HSPA12B: variants seen among roughly 807,000 people sequenced by gnomAD.
The protein encoded by HSPA12B is heat shock protein family A (Hsp70) member 12B.
Under a neutral mutation model 69.3 loss-of-function variants are expected in HSPA12B, and 54 were observed. That is an observed-to-expected ratio of 0.78 (90% CI 0.63 to 0.98). The LOEUF is 0.98. Ranked by LOEUF, HSPA12B falls within the 50% of genes least tolerant of loss-of-function variation. The pLI, the probability that HSPA12B is intolerant of heterozygous loss-of-function variation, is 0.00. For missense variants in HSPA12B, 929 were observed against 999.8 expected (o/e 0.93, Z 0.96); for synonymous variants, 441 against 436.5 (o/e 1.01, Z -0.13).
rs771948272 is a variant in HSPA12B at position 3,740,846 on chromosome 20, C to G, written c.75C>G (p.Ser25Arg). The G allele has an allele frequency of 5.0e-6, 8 of 1,613,890 alleles. No homozygotes were observed. Among genetic ancestry groups the G allele is most frequent in the Non-Finnish European group, 6.8e-6 (8 of 1,179,962 alleles). Residue 25 changes from serine (S) to arginine (R), a missense_variant, in exon 3 of 13, where the codon AGC (serine) becomes AGG (arginine). Transcript: ENST00000254963. The surrounding 1 kb of genome is among the most constrained non-coding windows in gnomAD (Gnocchi z 4.9). ...GSSPERSPVP[S>R]PPGSPRTQES... ...GCCCGGAGCGGTCCCCAGTGCCTAG[C>G]CCACCCGGCTCCCCGAGGACCCAGG... is the stretch of plus-strand genomic sequence containing the variant.
rs11470713 is a variant in HSPA12B at position 3,737,057 on chromosome 20, AAAAT to A, written c.-17-1555_-17-1552del. On this transcript the variant is annotated intron_variant, in intron 1 of 12. Transcript: ENST00000254963. This position sits in a 1 kb window ranked among gnomAD's most constrained non-coding sequence, Gnocchi z 4.1. ...GGGGACAGAGTGAGACTCTGCCTCA[AAAAT>A]AAATAAATAAATAAATAAATAAATA... Among the ~76,000 whole-genome samples, 17,267 of 146,080 alleles carry A rather than the reference AAAAT, an allele frequency of 0.12. 1,140 individuals are homozygous for A. The highest frequency in any genetic ancestry group is 0.16 in the African/African-American group (6,311 of 39,086).
In HSPA12B at chr20:3,750,093, C is replaced by T. The variant is rs765725768; in HGVS notation, c.1167C>T (p.Ile389=). Residue 389 remains isoleucine (I), a synonymous_variant, in exon 11 of 13, where the codon ATC becomes ATT. Transcript: ENST00000254963. ...CGGCAGCCTGGGTAGATCTGACCAT[C>T]GCCTTCGAGGCTCGCAAGCGCACTG... ...QRPAAWVDLT[I]AFEARKRTAG... 3 of 1,612,348 alleles carry T rather than the reference C, an allele frequency of 1.9e-6. No homozygotes were observed. Among genetic ancestry groups the T allele is most frequent in the Non-Finnish European group, 2.5e-6 (3 of 1,179,716 alleles).
Position 3,744,832 on chromosome 20 carries a change from A to T in HSPA12B, c.267-70A>T, listed in dbSNP as rs552986982. ...CTTTCACATCTGTAAGTTTTTGCAC[A>T]TGCTGTTCCCTCTGCCTGGATTCCC... On this transcript the variant is annotated intron_variant, in intron 4 of 12. Coordinates refer to ENST00000254963, the MANE Select transcript of HSPA12B (RefSeq NM_052970.5). The surrounding 1 kb of genome is among the most constrained non-coding windows in gnomAD (Gnocchi z 4.9). 42 of 1,470,556 alleles carry T rather than the reference A, an allele frequency of 2.9e-5. No individual in the cohort carries two copies. In the Admixed American group the frequency reaches 4.2e-4, roughly 15 times the overall value. 91.1% of individuals were successfully genotyped at this position (1,470,556 alleles called of 1,614,324 possible). A position where few individuals can be genotyped will look rare whatever the true frequency, so the allele number is the denominator to read the frequency against.
At chr20:3,742,111 G>A (rs2146566780) in intron 3 of HSPA12B, among the ~76,000 whole-genome samples, 173 bp from the exon 4 acceptor site, 1 of 152,194 alleles carries the variant, frequency 6.6e-6, no homozygotes, top group Non-Finnish European at 1.5e-5. Flanking sequence ...CTGGAGCCTG[G>A]GAGGGCAAGG....
At position 3,751,948 on chromosome 20, in the gene HSPA12B, G is replaced by A. The variant is rs772135594; in HGVS notation, c.1843G>A (p.Asp615Asn). The part of the protein sequence containing the change: ...LINLYCCAAE[D>N]ARFITDPGVR... ...CAACCTGTACTGCTGCGCGGCAGAG[G>A]ATGCGCGCTTCATCACCGACCCCGG... Residue 615 changes from aspartate to asparagine, a missense_variant, in exon 13 of 13, where the codon GAT (aspartate) becomes AAT (asparagine). Coordinates refer to ENST00000254963, the MANE Select transcript of HSPA12B (RefSeq NM_052970.5). 1.2e-5 allele frequency: 19 copies of A among 1,585,306 alleles called. No homozygotes were observed. In the South Asian group the frequency reaches 1.6e-4, roughly 13 times the overall value.
rs934283648 is a variant in HSPA12B, at chr20:3,752,342, A to G, written c.*176A>G. On this transcript the variant is annotated 3_prime_UTR_variant, in exon 13 of 13. Coordinates refer to ENST00000254963, the MANE Select transcript of HSPA12B (RefSeq NM_052970.5). The stretch of plus-strand genomic sequence containing the variant: ...AGAGTGGGTGGGGACACACCCAGAG[A>G]CTGGCTTTGGGATTGGGCACTGGTC... 1.7e-6 allele frequency: 1 copy of G among 593,634 alleles called. No individual in the cohort carries two copies. Among genetic ancestry groups the G allele is most frequent in the Non-Finnish European group, 2.7e-6 (1 of 376,618 alleles). The allele number at this position is 593,634 out of a possible 1,614,324, so 36.8% of individuals were successfully genotyped here.
Position 3,752,011 on chromosome 20 carries a change from C to T in HSPA12B, c.1906C>T (p.Pro636Ser), listed in dbSNP as rs1043062485. ...CGGCGCGCTCAGCCTCGAGCTTGAG[C>T]CCGCCGACTGCGGCCAGGACACCGC... is the stretch of plus-strand genomic sequence containing the variant. Reference protein sequence around the residue: ...KCGALSLELEPADCGQDTAGA... With the variant: ...KCGALSLELESADCGQDTAGA... The change falls in exon 13 of 13, where the codon CCC becomes TCC. Residue 636 changes from proline to serine, a missense_variant. This residue lies in a region of HSPA12B where 448 missense variants were observed against 448.1 expected (regional missense o/e 1.00). Transcript: ENST00000254963. 19 of 1,565,954 alleles carry T rather than the reference C, an allele frequency of 1.2e-5. No individual in the cohort carries two copies. Among genetic ancestry groups the T allele is most frequent in the Non-Finnish European group, 1.5e-5 (18 of 1,161,728 alleles).
At position 3,740,769 on chromosome 20, in the gene HSPA12B, A is replaced by G; in HGVS notation, c.44-46A>G. 6.4e-7 allele frequency: 1 copy of G among 1,557,052 alleles called. No individual in the cohort carries two copies. The highest frequency in any genetic ancestry group is 8.8e-7 in the Non-Finnish European group (1 of 1,135,862). On this transcript the variant is annotated intron_variant, in intron 2 of 12. Transcript: ENST00000254963. This position sits in a 1 kb window ranked among gnomAD's most constrained non-coding sequence, Gnocchi z 4.9. ...GCCTGGCTTGGGGCCCCGCTGCCAT[A>G]CCTACCCTGCTTGTGCCAGGATGAA...
Position 3,751,867 on chromosome 20 carries a change from G to T in HSPA12B, c.1762G>T (p.Glu588Ter). The T allele has an allele frequency of 6.4e-7, 1 of 1,557,800 alleles. No homozygotes were observed. Among genetic ancestry groups the T allele is most frequent in the Non-Finnish European group, 8.6e-7 (1 of 1,157,400 alleles). Reference protein sequence around the residue: ...VAAEQSVALGEEVRRSYCPAR... With the variant: ...VAAEQSVALG ...CGCCGAGCAGTCGGTGGCCCTGGGC[G>T]AGGAGGTGCGGCGCAGCTACTGCCC... The change falls in exon 13 of 13, where the codon GAG (glutamate) becomes TAG (stop). Residue 588 changes from glutamate to a stop codon, truncating the protein, a stop_gained. Coordinates refer to ENST00000254963, the MANE Select transcript of HSPA12B (RefSeq NM_052970.5). LOFTEE classifies it high-confidence loss of function.
At chr20:3,750,554 G>A (rs892823183) in intron 11 of HSPA12B, 1 of 544,894 alleles carries the variant, frequency 1.8e-6, no homozygotes, top group Admixed American at 6.4e-5. Context: ...CTGCACCAAA[G>A]CAAGGGGAGG....
chr20:3,741,469 C>CA (rs2088201343), intron 3 of HSPA12B, among the ~76,000 whole-genome samples: 2 of 152,030 alleles, frequency 1.3e-5, no homozygotes, highest in South Asian at 4.1e-4. Context: ...CCCATCTCTA[C>CA]AAAAAATACA....
At position 3,749,704 on chromosome 20, in the gene HSPA12B, G is replaced by A. The variant is rs1408952464; in HGVS notation, c.938-46G>A. 2 of 1,375,252 alleles carry A rather than the reference G, an allele frequency of 1.5e-6. No individual in the cohort carries two copies. Among genetic ancestry groups the A allele is most frequent in the Admixed American group, 2.1e-5 (1 of 47,446 alleles). 85.2% of individuals were successfully genotyped at this position (1,375,252 alleles called of 1,614,324 possible). ...GAGGCTGGAGGGGGCGCAGGGCTGAGGGTGCGAGGCCGCCCACGAGTGTGT... is the reference window on the plus strand; with the variant it reads ...GAGGCTGGAGGGGGCGCAGGGCTGAAGGTGCGAGGCCGCCCACGAGTGTGT... On this transcript the variant is annotated intron_variant, in intron 9 of 12. Transcript: ENST00000254963. The surrounding 1 kb of genome is among the most constrained non-coding windows in gnomAD (Gnocchi z 5.5).
In HSPA12B at chr20:3,751,430, AGTG is replaced by A. The variant is rs112527338; in HGVS notation, c.1406-76_1406-74del. ...GGAGGGGAGGCGCCGGTGGCCGCCT[AGTG>A]GTGGCCTCAGTGGCTCTCTCTCCCC... On this transcript the variant is annotated intron_variant, in intron 12 of 12. Coordinates refer to ENST00000254963, the MANE Select transcript of HSPA12B (RefSeq NM_052970.5). The A allele has an allele frequency of 2.9e-3, 3,875 of 1,355,120 alleles. 101 individuals are homozygous for A. In the African/African-American group the frequency reaches 0.048, roughly 17 times the overall value. The allele number at this position is 1,355,120 out of a possible 1,614,324, so 83.9% of individuals were successfully genotyped here.
chr20:3,750,517 C>T lies in HSPA12B; in HGVS notation c.1302-287C>T, dbSNP rs1184295865. The stretch of plus-strand genomic sequence containing the variant: ...CCTTCTCTACACCCCCACCCCGGGC[C>T]CTGCGGGCCCATGCTCCTCGGTTTC... On this transcript the variant is annotated intron_variant, in intron 11 of 12. Transcript: ENST00000254963. The T allele has an allele frequency of 2.4e-5, 7 of 287,036 alleles. No homozygotes were observed. In the Admixed American group the frequency reaches 3.2e-4, roughly 13 times the overall value. The allele number at this position is 287,036 out of a possible 1,614,324, so 17.8% of individuals were successfully genotyped here.
In HSPA12B at chr20:3,745,415, G is replaced by T. The variant is rs76758244; in HGVS notation, c.454-78G>T. 2.8e-3 allele frequency: 2,888 copies of T among 1,031,568 alleles called. 52 individuals are homozygous for T. The African/African-American group carries it at 0.041, about 14-fold the overall frequency. 63.9% of individuals were successfully genotyped at this position (1,031,568 alleles called of 1,614,324 possible). On this transcript the variant is annotated intron_variant, in intron 5 of 12. Transcript: ENST00000254963. This position sits in a 1 kb window ranked among gnomAD's most constrained non-coding sequence, Gnocchi z 5.6. ...AGGAGGGGAAGCTCCAGGAAACGGG[G>T]TGATTTTAAGAGCGAGGTCGTCAGG...
chr20:3,738,227 T>C (rs922931938), intron 1 of HSPA12B, among the ~76,000 whole-genome samples: 1 of 152,214 alleles, frequency 6.6e-6, no homozygotes, highest in Non-Finnish European at 1.5e-5. Context: ...ACGCTTGTCA[T>C]TTCAAAATCA....
At position 3,752,116 on chromosome 20, in the gene HSPA12B, G is replaced by A. The variant is rs764639320; in HGVS notation, c.2011G>A (p.Val671Ile). 23 of 1,498,402 alleles carry A rather than the reference G, an allele frequency of 1.5e-5. No homozygotes were observed. Among genetic ancestry groups the A allele is most frequent in the Admixed American group, 2.2e-5 (1 of 44,924 alleles). The allele number at this position is 1,498,402 out of a possible 1,614,324, so 92.8% of individuals were successfully genotyped here. Reference protein sequence around the residue: ...DTEIKVTAVDVSTNRSVRASI... With the variant: ...DTEIKVTAVDISTNRSVRASI... ...CGAAATTAAGGTCACCGCCGTCGAC[G>A]TCAGCACCAATCGCTCCGTGCGCGC... Residue 671 changes from valine (V) to isoleucine (I), a missense_variant, in exon 13 of 13, where the codon GTC (valine) becomes ATC (isoleucine). This residue lies in a region of HSPA12B where 448 missense variants were observed against 448.1 expected (regional missense o/e 1.00). Coordinates refer to ENST00000254963, the MANE Select transcript of HSPA12B (RefSeq NM_052970.5).
chr20:3,738,961 G>A (rs779645513), intron 2 of HSPA12B, among the ~76,000 whole-genome samples: 3 of 152,120 alleles, frequency 2.0e-5, no homozygotes, highest in Non-Finnish European at 2.9e-5. Context: ...ACACAGGACT[G>A]GTCTATTCAC....
rs2088360970 is a variant in HSPA12B, at chr20:3,749,091, C to T, written c.851-141C>T. ...GTTTGGGGTTCAGGATTGCCCTCTC[C>T]CAGTCAGGAGCAGGTTGGAGTTTCA... On this transcript the variant is annotated intron_variant, in intron 8 of 12. Transcript: ENST00000254963. The surrounding 1 kb of genome is among the most constrained non-coding windows in gnomAD (Gnocchi z 5.5). 1 of 671,366 alleles carries T rather than the reference C, an allele frequency of 1.5e-6. No homozygotes were observed. The allele number at this position is 671,366 out of a possible 1,614,324, so 41.6% of individuals were successfully genotyped here.
Sources: allele counts gnomAD v4.1 joint callset (sites outside exome capture counted in the v4.1 genomes callset), GRCh38; gene constraint gnomAD v4.1.1; regional missense constraint gnomAD v4.1.1; non-coding constraint Gnocchi (gnomAD v3.1); transcripts MANE v1.5; gene names NCBI Gene and HGNC (gene_info 2026-07-23, HGNC 2026-07-21).